The following UGT1A7 variants were observed in gnomAD, a reference collection of about 807,000 sequenced individuals.
The protein encoded by UGT1A7 is UDP-glucuronosyltransferase 1A7.
A neutral mutation model predicts 45.6 loss-of-function variants in UGT1A7; 33 were observed. That is an observed-to-expected ratio of 0.72 (90% CI 0.55 to 0.97). UGT1A7 has a LOEUF of 0.97. Among genes scored for constraint, UGT1A7 ranks in the 50% least tolerant of loss-of-function variants. The probability of loss-of-function intolerance (pLI) is 0.00; values close to 1 mark genes in which losing one functional copy is unlikely to be tolerated. For missense variants in UGT1A7, 684 were observed against 666.2 expected (o/e 1.03, Z -0.29); for synonymous variants, 274 against 250.6 (o/e 1.09, Z -0.88).
In UGT1A7 at chr2:233,769,617, A is replaced by AG; in HGVS notation, c.1295+1179dup. 6.2e-7 allele frequency: 1 copy of AG among 1,612,702 alleles called. No individual in the cohort carries two copies. The highest frequency in any genetic ancestry group is 2.2e-5 in the East Asian group (1 of 44,882). On this transcript the variant is annotated intron_variant, in intron 4 of 4. Coordinates refer to ENST00000373426, the MANE Select transcript of UGT1A7 (RefSeq NM_019077.3). The surrounding 1 kb of genome is among the most constrained non-coding windows in gnomAD (Gnocchi z 4.4). ...CGGAACACGGGGACACACCAGCTTG[A>AG]GCAAGGGACAACAGGGGAGGACTGA...
intron 1 of UGT1A7, among the ~76,000 whole-genome samples, chr2:233,751,532 C>T (rs1375355946): frequency 6.6e-6 from 1 of 152,214 alleles, no homozygotes; most frequent in Non-Finnish European, 1.5e-5. Context: ...TATGGTTTGA[C>T]TCTGTGTTTC....
chr2:233,693,151 C>T, intron 1 of UGT1A7: 1 of 1,614,208 alleles, frequency 6.2e-7, no homozygotes, highest in Non-Finnish European at 8.5e-7. Flanking sequence ...TTGAGGTTCT[C>T]AGTGACCGGG....
chr2:233,754,396 G>C (rs1026750148), intron 1 of UGT1A7: 23 of 330,472 alleles, frequency 7.0e-5, no homozygotes, highest in African/African-American at 4.7e-4. Context: ...GGTCCTATCC[G>C]TGCAGTCCCA....
rs367682058 is a variant in UGT1A7, at chr2:233,743,655, C to T, written c.856-23379C>T. The T allele has an allele frequency of 6.6e-6, 9 of 1,367,176 alleles. No homozygotes were observed. In the East Asian group the frequency reaches 3.2e-4, roughly 48 times the overall value. The allele number at this position is 1,367,176 out of a possible 1,614,324, so 84.7% of individuals were successfully genotyped here. ...GGGTCGCGGAAGCTGAAGACGTACT[C>T]GAAGGGGTCCTCGAAGGGCCTGCCG... On this transcript the variant is annotated intron_variant, in intron 1 of 4. Coordinates refer to ENST00000373426, the MANE Select transcript of UGT1A7 (RefSeq NM_019077.3).
intron 1 of UGT1A7, among the ~76,000 whole-genome samples, chr2:233,746,480 C>A (rs1693404181): frequency 1.3e-5 from 2 of 151,692 alleles, no homozygotes; most frequent in Admixed American, 6.5e-5. Context: ...AAACACTTTC[C>A]ATGGACATGT....
chr2:233,719,540 G>C (rs1488835292), intron 1 of UGT1A7: 11 of 1,613,770 alleles, frequency 6.8e-6, no homozygotes, highest in Non-Finnish European at 8.5e-6. Context: ...AGCTTTTTCA[G>C]AGAGAGGTGT....
chr2:233,712,586 G>T (rs1354948731), intron 1 of UGT1A7, among the ~76,000 whole-genome samples: 1 of 152,210 alleles, frequency 6.6e-6, no homozygotes, highest in African/African-American at 2.4e-5. Context: ...ATCCAGCAGA[G>T]ACCATATGGT....
intron 1 of UGT1A7, chr2:233,747,241 C>CTG: frequency 6.2e-7 from 1 of 1,603,058 alleles, no homozygotes; most frequent in South Asian, 1.1e-5. Context: ...GGTTCCCCTG[C>CTG]TGTGGCTGGC....
intron 1 of UGT1A7, among the ~76,000 whole-genome samples, chr2:233,724,520 T>C (rs200973045): frequency 0.41 from 41,671 of 101,172 alleles, 10,045 homozygotes; most frequent in African/African-American, 0.66. Flanking sequence ...ACCTCCCAGA[T>C]GGGGTCTCGC....
At chr2:233,731,452 C>A (rs2078164427) in intron 1 of UGT1A7, among the ~76,000 whole-genome samples, 1 of 152,066 alleles carries the variant, frequency 6.6e-6, no homozygotes. Context: ...CACCCCACAA[C>A]AGGCCCTGGC....
intron 1 of UGT1A7, chr2:233,760,989 C>T: frequency 6.2e-7 from 1 of 1,614,198 alleles, no homozygotes; most frequent in Non-Finnish European, 8.5e-7. Context: ...CAACCCTTGC[C>T]TCAGAATTCC....
intron 1 of UGT1A7, among the ~76,000 whole-genome samples, chr2:233,725,002 GC>G (rs1483949172): frequency 7.5e-6 from 1 of 134,040 alleles, no homozygotes; most frequent in African/African-American, 3.7e-5. Flanking sequence ...CTGGAGACCG[GC>G]CCGGCCAAAC....
intron 1 of UGT1A7, among the ~76,000 whole-genome samples, chr2:233,701,868 A>G: frequency 6.6e-6 from 1 of 152,170 alleles, no homozygotes; most frequent in Non-Finnish European, 1.5e-5. Flanking sequence ...AATTTATAGC[A>G]CTAAATGCCC....
At chr2:233,701,948 A>G (rs2075662361) in intron 1 of UGT1A7, among the ~76,000 whole-genome samples, 1 of 152,208 alleles carries the variant, frequency 6.6e-6, no homozygotes, top group African/African-American at 2.4e-5. Flanking sequence ...GAAAAGCAAG[A>G]GCAAACACAT....
rs45449797 is a variant in UGT1A7 at position 233,730,263 on chromosome 2, G to T, written c.856-36771G>T. On this transcript the variant is annotated intron_variant, in intron 1 of 4. Coordinates refer to ENST00000373426, the MANE Select transcript of UGT1A7 (RefSeq NM_019077.3). ...ACTGGTGTGACTCATAGAGACTGTTGGTTTGTAAAGGCACCATCTTCATGG... is the reference window on the plus strand; with the variant it reads ...ACTGGTGTGACTCATAGAGACTGTTTGTTTGTAAAGGCACCATCTTCATGG... Among the ~76,000 whole-genome samples, 819 of 152,182 alleles carry T rather than the reference G, an allele frequency of 5.4e-3. 8 individuals carry two copies. The highest frequency in any genetic ancestry group is 0.019 in the African/African-American group (780 of 41,512).
intron 1 of UGT1A7, chr2:233,760,342 G>C (rs2125982896): frequency 6.2e-7 from 1 of 1,614,102 alleles, no homozygotes; most frequent in East Asian, 2.2e-5. Flanking sequence ...GCTGCTGTGT[G>C]TGCTGGGCCC....
At chr2:233,770,240 T>A (rs1700042980) in intron 4 of UGT1A7, 1 of 152,226 alleles carries the variant, frequency 6.6e-6, no homozygotes, top group Non-Finnish European at 1.5e-5. Flanking sequence ...TCTCCATGAT[T>A]CCAACACTCT....
In UGT1A7 at chr2:233,760,224, G is replaced by C. The variant is rs873478; in HGVS notation, c.856-6810G>C. 2,101 of 1,586,308 alleles carry C rather than the reference G, an allele frequency of 1.3e-3. 36 individuals are homozygous for C. The East Asian group carries it at 0.037, about 28-fold the overall frequency. ...CAAACATTAACTTGGTGTATCGATT[G>C]GTTTTTGCCATATATATATATATAA... is the stretch of plus-strand genomic sequence containing the variant. On this transcript the variant is annotated intron_variant, in intron 1 of 4. Coordinates refer to ENST00000373426, the MANE Select transcript of UGT1A7 (RefSeq NM_019077.3).
At chr2:233,693,942 C>A (rs2075190046) in intron 1 of UGT1A7, 10 of 1,601,216 alleles carry the variant, frequency 6.2e-6, no homozygotes, top group Non-Finnish European at 8.5e-6. Context: ...GCTCCTTGAG[C>A]CGACTGTCCC....
Sources: allele counts gnomAD v4.1 joint callset (sites outside exome capture counted in the v4.1 genomes callset), GRCh38; gene constraint gnomAD v4.1.1; non-coding constraint Gnocchi (gnomAD v3.1); transcripts MANE v1.5; gene names NCBI Gene and HGNC (gene_info 2026-07-23, HGNC 2026-07-21).